TENM1: variants seen among roughly 807,000 people sequenced by gnomAD.
The protein encoded by TENM1 is teneurin transmembrane protein 1.
TENM1 carries 35 observed loss-of-function variants against 174.8 expected under a neutral mutation model. The observed-to-expected ratio is 0.20, with a 90% CI of 0.15 to 0.27. TENM1 has a LOEUF of 0.27. TENM1 is among the 10% of genes least tolerant of loss of function. TENM1 has a pLI of 1.00. For missense variants in TENM1, 1,633 were observed against 2,130.1 expected, an observed-to-expected ratio of 0.77 and a Z score of 4.59; for synonymous variants, 781 against 798.7, an observed-to-expected ratio of 0.98 and a Z score of 0.37.
the TENM1 span, among the ~76,000 whole-genome samples, chrX:124,983,044 T>C: frequency 6.2e-5 from 7 of 112,311 alleles, no homozygotes; most frequent in African/African-American, 2.3e-4. Context: ...ATGTTGTATG[T>C]CTTTTGTAGC....
At chrX:124,740,204 C>G (rs1046168491) in intron 3 of TENM1, among the ~76,000 whole-genome samples, 4 of 111,615 alleles carry the variant, frequency 3.6e-5, no homozygotes, top group African/African-American at 1.3e-4. Context: ...AGGTCTTGTG[C>G]TCAGAACCCC....
the TENM1 span, among the ~76,000 whole-genome samples, chrX:125,046,857 CGTGTGTGTGT>C: frequency 5.1e-5 from 5 of 98,230 alleles, no homozygotes; most frequent in African/African-American, 1.5e-4. Context: ...TGTGTGCATG[CGTGTGTGTGT>C]GTGTGTGTGT....
intron 1 of TENM1, among the ~76,000 whole-genome samples, chrX:124,901,021 A>ACCT (rs375665198): frequency 4.8e-4 from 53 of 110,334 alleles, no homozygotes; most frequent in African/African-American, 1.6e-3. Context: ...CGAACTCCTG[A>ACCT]CCTCAGGCGA....
At chrX:125,061,387 T>C in the TENM1 span, among the ~76,000 whole-genome samples, 2,697 of 112,027 alleles carry the variant, frequency 0.024, 87 homozygotes, top group African/African-American at 0.082. Context: ...CTCATATGAA[T>C]TGCAAAGTTT....
chrX:125,032,173 ATTT>A, the TENM1 span, among the ~76,000 whole-genome samples: 1 of 101,126 alleles, frequency 9.9e-6, no homozygotes, highest in African/African-American at 3.6e-5. Context: ...TTTTTAAATC[ATTT>A]TTTTTTTTTT....
At chrX:124,952,006 T>C (rs962126617) in intron 1 of TENM1, among the ~76,000 whole-genome samples, 1 of 110,633 alleles carries the variant, frequency 9.0e-6, no homozygotes, top group African/African-American at 3.3e-5. Flanking sequence ...CTGTGTGTTA[T>C]GGTTAGAATG....
intron 3 of TENM1, among the ~76,000 whole-genome samples, chrX:124,748,934 T>C (rs2053998854): frequency 9.0e-6 from 1 of 111,605 alleles, no homozygotes; most frequent in Admixed American, 9.6e-5. Context: ...AAGCACTAAA[T>C]AATATTATTA....
chrX:125,190,993 G>A, the TENM1 span, among the ~76,000 whole-genome samples: 3 of 110,549 alleles, frequency 2.7e-5, no homozygotes, highest in African/African-American at 9.9e-5. Context: ...TAAAATATTT[G>A]TAAACATCTT....
chrX:124,910,248 A>G (rs929103235), intron 1 of TENM1, among the ~76,000 whole-genome samples: 2 of 112,500 alleles, frequency 1.8e-5, no homozygotes, highest in Admixed American at 9.4e-5. Context: ...CAATGACATT[A>G]GTGCTTTTGA....
the TENM1 span, among the ~76,000 whole-genome samples, chrX:125,005,669 C>T: frequency 9.1e-6 from 1 of 110,117 alleles, no homozygotes. Flanking sequence ...TCTGCATTTC[C>T]AACTGAGGTA....
At chrX:124,390,811 C>T (rs1246795662) in intron 28 of TENM1, among the ~76,000 whole-genome samples, 1 of 112,356 alleles carries the variant, frequency 8.9e-6, no homozygotes, top group African/African-American at 3.2e-5. Context: ...AGGCACTAGT[C>T]ACACGGTTTT....
At chrX:124,871,994 T>G (rs989248991) in intron 3 of TENM1, among the ~76,000 whole-genome samples, 12 of 96,594 alleles carry the variant, frequency 1.2e-4, no homozygotes, top group African/African-American at 4.9e-4. Context: ...ATCGTGCCAC[T>G]GCACTCCAGC....
intron 11 of TENM1, among the ~76,000 whole-genome samples, chrX:124,636,275 T>C (rs1378832244): frequency 1.8e-5 from 2 of 112,284 alleles, no homozygotes; most frequent in African/African-American, 3.2e-5. Flanking sequence ...AAATATGCTC[T>C]GTGGGAACAA....
chrX:124,591,048 G>A (rs1175584202), intron 11 of TENM1, among the ~76,000 whole-genome samples: 1 of 111,578 alleles, frequency 9.0e-6, no homozygotes, highest in African/African-American at 3.2e-5. Context: ...TAAGAATAGT[G>A]ACCCCTGCTC....
At chrX:124,422,602 G>T in exon 24 of TENM1, 1 of 1,209,714 alleles carries the variant, frequency 8.3e-7, no homozygotes, top group Non-Finnish European at 1.1e-6. Flanking sequence ...TTGTCCATAG[G>T]ATTTACTGCA....
At chrX:124,933,906 A>C (rs1275630549) in intron 1 of TENM1, among the ~76,000 whole-genome samples, 2 of 111,664 alleles carry the variant, frequency 1.8e-5, no homozygotes, top group East Asian at 5.6e-4. Context: ...TATTTTGCAC[A>C]ATTTATTTTC....
chrX:125,140,864 C>G, the TENM1 span, among the ~76,000 whole-genome samples: 2,717 of 112,037 alleles, frequency 0.024, 67 homozygotes, highest in African/African-American at 0.084. Flanking sequence ...GAGCTAAACA[C>G]ATCAACCACC....
At chrX:124,547,927 C>T (rs774278816) in intron 14 of TENM1, among the ~76,000 whole-genome samples, 26 of 112,013 alleles carry the variant, frequency 2.3e-4, no homozygotes, top group Non-Finnish European at 2.1e-4. Flanking sequence ...AGTTCTGCCT[C>T]CCGGGTTCAC....
chrX:125,185,846 T>C, the TENM1 span, among the ~76,000 whole-genome samples: 1 of 112,068 alleles, frequency 8.9e-6, no homozygotes, highest in Non-Finnish European at 1.9e-5. Context: ...TATAAGAACA[T>C]TCATTGTGCA....
Sources: gnomAD v4.1 joint callset for allele counts (sites outside exome capture counted in the v4.1 genomes callset) on GRCh38, gnomAD v4.1.1 for gene constraint, MANE v1.5 for transcripts, NCBI Gene and HGNC (gene_info 2026-07-23, HGNC 2026-07-21) for gene names.